The following ERICH2 variants were observed in gnomAD, a reference collection of about 807,000 sequenced individuals.
ERICH2 encodes glutamate rich 2, also known as glutamate-rich protein 2.
A neutral mutation model predicts 17.4 loss-of-function variants in ERICH2; 17 were observed. The ratio of observed to expected loss-of-function variants is 0.98; its 90% confidence interval spans 0.67 to 1.47. The LOEUF (loss-of-function observed/expected upper bound fraction) is 1.47, where lower values mean the gene tolerates loss of function less well. Ranked by LOEUF, ERICH2 falls within the 40% of genes most tolerant of loss-of-function variation. ERICH2 has a pLI of 0.00. For synonymous variants in ERICH2, 51 were observed against 61.1 expected (o/e 0.83, Z 0.77); for missense variants, 186 against 183.2 (o/e 1.01, Z -0.09).
At chr2:170,781,463 G>A (rs1388615038), upstream of ERICH2, among the ~76,000 whole-genome samples, 2 of 151,856 alleles carry the variant, frequency 1.3e-5, no homozygotes, top group Non-Finnish European at 2.9e-5. Flanking sequence ...GTGAAACCCC[G>A]TTTCTACTAA....
Position 170,798,022 on chromosome 2 carries a change from T to C in ERICH2, c.275-19T>C, listed in dbSNP as rs1213711705. ...TGAACGTTAATAACACACATTCTGT[T>C]GTCCATTTTCATTTTCAGTCCTAAT... On this transcript the variant is annotated intron_variant, in intron 3 of 4. Coordinates refer to ENST00000409885, the Ensembl canonical transcript of ERICH2. The C allele has an allele frequency of 9.9e-6, 15 of 1,520,194 alleles. No individual in the cohort carries two copies. The East Asian group carries it at 3.7e-4, about 37-fold the overall frequency. The allele number at this position is 1,520,194 out of a possible 1,614,324, so 94.2% of individuals were successfully genotyped here. A position where few individuals can be genotyped will look rare whatever the true frequency, so the allele number is the denominator to read the frequency against.
chr2:170,793,052 ATAAAT>A, intron 3 of ERICH2, 132 bp downstream of exon 8: 1 of 500,202 alleles, frequency 2.0e-6, no homozygotes, highest in Non-Finnish European at 3.6e-6. Context: ...TTCCTTGATA[ATAAAT>A]TAGGTTGATT....
At chr2:170,779,127 G>A (rs1700971622), upstream of ERICH2, among the ~76,000 whole-genome samples, 1 of 152,176 alleles carries the variant, frequency 6.6e-6, no homozygotes, top group Non-Finnish European at 1.5e-5. Flanking sequence ...AGAGTTGAAG[G>A]TAAACAGGGC....
the ERICH2 span, among the ~76,000 whole-genome samples, chr2:170,771,737 C>T: frequency 1.4e-4 from 22 of 152,252 alleles, no homozygotes; most frequent in African/African-American, 4.8e-4. The surrounding 1 kb of genome is among the most constrained non-coding windows in gnomAD (Gnocchi z 4.8). Flanking sequence ...GCCTTATTCT[C>T]ATCTTATGAG....
upstream of ERICH2, among the ~76,000 whole-genome samples, chr2:170,781,093 AT>A (rs1701014446): frequency 6.6e-6 from 1 of 152,144 alleles, no homozygotes; most frequent in Non-Finnish European, 1.5e-5. Flanking sequence ...TAAAGATTCC[AT>A]TCCCTCCCAT....
At chr2:170,779,674 G>A (rs1041548132), upstream of ERICH2, 11 of 191,260 alleles carry the variant, frequency 5.8e-5, no homozygotes, top group African/African-American at 2.4e-4. Flanking sequence ...AGCACTCAGC[G>A]CTGACTGAGC....
At position 170,791,466 on chromosome 2, in the gene ERICH2, C is replaced by A. The variant is rs571801180; in HGVS notation, c.217-1397C>A. Among the ~76,000 whole-genome samples, 6 of 149,726 alleles carry A rather than the reference C, an allele frequency of 4.0e-5. No individual in the cohort carries two copies. The Admixed American group carries it at 4.0e-4, about 10-fold the overall frequency. On this transcript the variant is annotated intron_variant, in intron 2 of 4. Coordinates refer to ENST00000409885, the Ensembl canonical transcript of ERICH2. ...AATTAGTATGTGAGGCCGAGGCGGGCGGATCACGAGGTCAGGAGATCGGGA... is the reference window on the plus strand; with the variant it reads ...AATTAGTATGTGAGGCCGAGGCGGGAGGATCACGAGGTCAGGAGATCGGGA...
chr2:170,773,615 T>G, the ERICH2 span, among the ~76,000 whole-genome samples: 1 of 152,330 alleles, frequency 6.6e-6, no homozygotes, highest in Admixed American at 6.5e-5. Context: ...GTTTCACCTA[T>G]AAGATTCTGA....
intron 3 of ERICH2, among the ~76,000 whole-genome samples, chr2:170,797,190 C>T (rs1701447076): frequency 1.3e-5 from 2 of 152,164 alleles, no homozygotes; most frequent in Non-Finnish European, 2.9e-5. Flanking sequence ...AACATCAGTT[C>T]CCCTATTGGA....
At chr2:170,794,105 C>CTTTTTTTTTTTTTTTTTTT (rs59152667) in intron 3 of ERICH2, among the ~76,000 whole-genome samples, 5 of 88,166 alleles carry the variant, frequency 5.7e-5, no homozygotes, top group East Asian at 3.5e-4. Context: ...TCCTTTCTTT[C>CTTTTTTTTTTTTTTTTTTT]TTTTTTTTTT....
chr2:170,773,006 G>A, the ERICH2 span, among the ~76,000 whole-genome samples: 139 of 152,268 alleles, frequency 9.1e-4, 1 homozygote, highest in African/African-American at 3.2e-3. Flanking sequence ...TTTATAAAAG[G>A]TGTTTTTGTT....
intron 2 of ERICH2, among the ~76,000 whole-genome samples, chr2:170,792,108 CTAAG>C (rs1701304377): frequency 6.6e-6 from 1 of 151,720 alleles, no homozygotes; most frequent in South Asian, 2.1e-4. Context: ...AAATTGTAGC[CTAAG>C]TAAGTAAAAA....
intron 2 of ERICH2, among the ~76,000 whole-genome samples, chr2:170,792,144 C>T (rs1362337401): frequency 4.0e-5 from 6 of 151,828 alleles, no homozygotes; most frequent in African/African-American, 1.5e-4. Flanking sequence ...TATTTCATGC[C>T]ATGAGGAGAA....
chr2:170,774,547 T>C, the ERICH2 span, among the ~76,000 whole-genome samples: 7 of 145,728 alleles, frequency 4.8e-5, no homozygotes, highest in Non-Finnish European at 9.0e-5. Flanking sequence ...CTAGTCTCTT[T>C]CACTCAAGAG....
chr2:170,771,462 G>A, the ERICH2 span: 4 of 152,234 alleles, frequency 2.6e-5, no homozygotes, highest in Admixed American at 2.0e-4. This position sits in a 1 kb window ranked among gnomAD's most constrained non-coding sequence, Gnocchi z 4.8. Context: ...CACGGGTGTG[G>A]AGATAACTGG....
chr2:170,784,730 A>G, exon 2 of ERICH2: 2 of 1,546,868 alleles, frequency 1.3e-6, no homozygotes, highest in Non-Finnish European at 1.7e-6. Flanking sequence ...AAATTGTCAG[A>G]ATCAGCAGAG....
chr2:170,793,756 A>T (rs968665712), intron 3 of ERICH2, among the ~76,000 whole-genome samples: 2 of 152,164 alleles, frequency 1.3e-5, no homozygotes, highest in Non-Finnish European at 2.9e-5. Flanking sequence ...TAGAGCAATG[A>T]TATGATCTAC....
At chr2:170,772,222 A>G in the ERICH2 span, among the ~76,000 whole-genome samples, 1 of 152,084 alleles carries the variant, frequency 6.6e-6, no homozygotes, top group Non-Finnish European at 1.5e-5. Flanking sequence ...CCACATCCTC[A>G]GTGTTTTCTC....
intron 3 of ERICH2, among the ~76,000 whole-genome samples, chr2:170,796,445 T>TG (rs1188606770): frequency 8.4e-6 from 1 of 119,274 alleles, no homozygotes; most frequent in Non-Finnish European, 1.9e-5. Flanking sequence ...TTTTTGTTTT[T>TG]TTTTTTTTGA....
Sources: allele counts gnomAD v4.1 joint callset (sites outside exome capture counted in the v4.1 genomes callset), GRCh38; gene constraint gnomAD v4.1.1; non-coding constraint Gnocchi (gnomAD v3.1); transcripts MANE v1.5; gene names NCBI Gene and HGNC (gene_info 2026-07-23, HGNC 2026-07-21).